SLC25A37: variants seen among roughly 807,000 people sequenced by gnomAD.
The protein encoded by SLC25A37 is mitoferrin-1.
In SLC25A37, 17 loss-of-function variants were observed where a neutral mutation model predicts 31.0. The observed-to-expected ratio is 0.55, with a 90% CI of 0.38 to 0.82. The LOEUF (loss-of-function observed/expected upper bound fraction) is 0.82, where lower values mean the gene tolerates loss of function less well. SLC25A37 is among the 40% of genes least tolerant of loss of function. SLC25A37 has a pLI of 0.00. For synonymous variants in SLC25A37, 222 were observed against 193.0 expected, an observed-to-expected ratio of 1.15 and a Z score of -1.24; for missense variants, 404 against 465.8, an observed-to-expected ratio of 0.87 and a Z score of 1.22.
intron 1 of SLC25A37, among the ~76,000 whole-genome samples, chr8:23,540,806 T>C (rs1462720863): frequency 6.6e-6 from 1 of 152,192 alleles, no homozygotes; most frequent in Non-Finnish European, 1.5e-5. Flanking sequence ...GGGGTAACGG[T>C]GCCCATCCTG....
chr8:23,533,369 G>A (rs1467631322), intron 1 of SLC25A37, among the ~76,000 whole-genome samples: 1 of 152,218 alleles, frequency 6.6e-6, no homozygotes, highest in East Asian at 1.9e-4. Flanking sequence ...CAGCTGCTTT[G>A]CTTAAACTAT....
intron 1 of SLC25A37, among the ~76,000 whole-genome samples, chr8:23,542,208 GC>G (rs1483953249): frequency 6.6e-6 from 1 of 152,128 alleles, no homozygotes; most frequent in Non-Finnish European, 1.5e-5. Context: ...ATTGCATTTC[GC>G]CCGTGTTTGG....
At position 23,574,133 on chromosome 8, in the gene SLC25A37, T is replaced by C; in HGVS notation, c.*2278T>C. 3.0e-6 allele frequency: 1 copy of C among 332,680 alleles called. No individual in the cohort carries two copies. Among genetic ancestry groups the C allele is most frequent in the Non-Finnish European group, 6.0e-6 (1 of 166,464 alleles). The allele number at this position is 332,680 out of a possible 1,614,324, so 20.6% of individuals were successfully genotyped here. On this transcript the variant is annotated 3_prime_UTR_variant, in exon 4 of 4. Coordinates refer to ENST00000519973, the MANE Select transcript of SLC25A37 (RefSeq NM_016612.4). ...TGGTGTTTAGAAAATAAACTTGATT[T>C]CTCTAGGAGCACTCCTTTGGTTAGA... is the stretch of plus-strand genomic sequence containing the variant.
intron 1 of SLC25A37, among the ~76,000 whole-genome samples, chr8:23,555,168 C>T (rs1240234094): frequency 2.0e-5 from 3 of 152,194 alleles, no homozygotes; most frequent in Non-Finnish European, 4.4e-5. Flanking sequence ...CCCAGATGCA[C>T]CAGCATGTTC....
intron 2 of SLC25A37, chr8:23,566,616 A>AT (rs34669688): frequency 1.5e-3 from 1,617 of 1,108,768 alleles, no homozygotes; most frequent in Non-Finnish European, 1.7e-3. Context: ...TTTCTTTTGT[A>AT]TTTTTTTTTG....
intron 1 of SLC25A37, among the ~76,000 whole-genome samples, chr8:23,561,677 C>A (rs145726603): frequency 6.6e-6 from 1 of 152,188 alleles, no homozygotes; most frequent in African/African-American, 2.4e-5. Context: ...AGGGGTAATT[C>A]CCTACTGCCC....
chr8:23,551,793 GGGGTCTCCAAGCCT>G (rs1316528249), intron 1 of SLC25A37, among the ~76,000 whole-genome samples: 1 of 152,152 alleles, frequency 6.6e-6, no homozygotes, highest in Non-Finnish European at 1.5e-5. Context: ...TAGATACAGA[GGGGTCTCCAAGCCT>G]GTCCTTCCAG....
intron 1 of SLC25A37, among the ~76,000 whole-genome samples, chr8:23,557,237 G>A (rs1156734283): frequency 6.6e-6 from 1 of 152,158 alleles, no homozygotes; most frequent in Non-Finnish European, 1.5e-5. Context: ...CTGCCAAGGA[G>A]CCTAGGAAGG....
chr8:23,561,321 G>C (rs773273393), intron 1 of SLC25A37, among the ~76,000 whole-genome samples: 1 of 152,142 alleles, frequency 6.6e-6, no homozygotes, highest in Non-Finnish European at 1.5e-5. Flanking sequence ...AAAAGGGGAG[G>C]GGGTGAGAAA....
chr8:23,554,490 A>G (rs979213031), intron 1 of SLC25A37, among the ~76,000 whole-genome samples: 17 of 152,236 alleles, frequency 1.1e-4, no homozygotes, highest in Non-Finnish European at 2.5e-4. Context: ...GTTATCTGGC[A>G]TCTTTGGAAT....
chr8:23,544,019 C>T (rs1006055412), intron 1 of SLC25A37, among the ~76,000 whole-genome samples: 7 of 151,972 alleles, frequency 4.6e-5, no homozygotes, highest in African/African-American at 1.7e-4. Flanking sequence ...TGCCACCACG[C>T]CCGGCTAATT....
intron 1 of SLC25A37, among the ~76,000 whole-genome samples, chr8:23,535,137 G>A (rs1169797843): frequency 6.6e-6 from 1 of 152,166 alleles, no homozygotes; most frequent in East Asian, 1.9e-4. Context: ...GGGGCCTTTA[G>A]TTTCTCTGCC....
chr8:23,534,839 G>C (rs913815466), intron 1 of SLC25A37, among the ~76,000 whole-genome samples: 6 of 152,182 alleles, frequency 3.9e-5, no homozygotes, highest in African/African-American at 1.4e-4. Flanking sequence ...TCTGATGTCT[G>C]CTCTCATCTT....
intron 3 of SLC25A37, among the ~76,000 whole-genome samples, chr8:23,569,303 C>A (rs1023845287): frequency 6.6e-6 from 1 of 152,044 alleles, no homozygotes; most frequent in African/African-American, 2.4e-5. Flanking sequence ...GGCTTTACAC[C>A]GAACCTACTG....
chr8:23,559,293 A>C (rs1045531140), intron 1 of SLC25A37, among the ~76,000 whole-genome samples: 3 of 152,130 alleles, frequency 2.0e-5, no homozygotes, highest in African/African-American at 7.2e-5. Flanking sequence ...GCAGGAACTG[A>C]AACCTGGACA....
chr8:23,537,628 G>A (rs1367732126), intron 1 of SLC25A37, among the ~76,000 whole-genome samples: 1 of 152,210 alleles, frequency 6.6e-6, no homozygotes, highest in Admixed American at 6.5e-5. Flanking sequence ...CTTGCAGGTC[G>A]TTTTAGTGCA....
At chr8:23,536,223 C>T (rs1319959074) in intron 1 of SLC25A37, among the ~76,000 whole-genome samples, 2 of 152,202 alleles carry the variant, frequency 1.3e-5, no homozygotes, top group African/African-American at 4.8e-5. Context: ...CCCCAGACTT[C>T]TCACCTTGAC....
chr8:23,537,254 A>T (rs975289211), intron 1 of SLC25A37, among the ~76,000 whole-genome samples: 2 of 151,058 alleles, frequency 1.3e-5, no homozygotes, highest in African/African-American at 2.4e-5. Context: ...CCTATTGCCC[A>T]TTGCTGCTTT....
chr8:23,557,191 G>T (rs546499648), intron 1 of SLC25A37, among the ~76,000 whole-genome samples: 13 of 152,300 alleles, frequency 8.5e-5, no homozygotes, highest in African/African-American at 2.6e-4. Flanking sequence ...AAGGGCCAGG[G>T]TGGGACTATC....
Sources: allele counts gnomAD v4.1 joint callset (sites outside exome capture counted in the v4.1 genomes callset), GRCh38; gene constraint gnomAD v4.1.1; transcripts MANE v1.5; gene names NCBI Gene and HGNC (gene_info 2026-07-23, HGNC 2026-07-21).